The following FANCD2 variants were observed in gnomAD, a reference collection of about 807,000 sequenced individuals.
FANCD2 encodes the protein Fanconi anemia group D2 protein.
Under a neutral mutation model 192.3 loss-of-function variants are expected in FANCD2, and 131 were observed. That is an observed-to-expected ratio of 0.68 (90% CI 0.59 to 0.79). The LOEUF (loss-of-function observed/expected upper bound fraction) is 0.79. FANCD2 is among the 30% of genes least tolerant of loss of function. The pLI, the probability that FANCD2 is intolerant of heterozygous loss-of-function variation, is 0.00. For missense variants in FANCD2, 1,508 were observed against 1,701.6 expected (o/e 0.89, Z 2.00); for synonymous variants, 524 against 612.5 (o/e 0.86, Z 2.13).
intron 17 of FANCD2, among the ~76,000 whole-genome samples, chr3:10,052,090 G>A (rs1353027921): frequency 6.6e-6 from 1 of 152,122 alleles, no homozygotes; most frequent in Non-Finnish European, 1.5e-5. Flanking sequence ...GCCCAGGATT[G>A]TGGTTCAGAG....
chr3:10,067,385 C>T (rs2087750873), intron 26 of FANCD2, 68 bp downstream of exon 26: 3 of 902,672 alleles, frequency 3.3e-6, no homozygotes, highest in Non-Finnish European at 5.5e-6. Context: ...ACTTAGCTTT[C>T]CCTGATACCA....
At chr3:10,033,871 G>C (rs1176769469) in intron 3 of FANCD2, among the ~76,000 whole-genome samples, 1 of 150,936 alleles carries the variant, frequency 6.6e-6, no homozygotes, top group African/African-American at 2.4e-5. Context: ...CTAATTTTTT[G>C]TATTTTTAGT....
intron 26 of FANCD2, among the ~76,000 whole-genome samples, chr3:10,069,675 GC>G (rs1559392148): frequency 6.6e-6 from 1 of 152,090 alleles, no homozygotes; most frequent in African/African-American, 2.4e-5. Context: ...TGTTGGCCGG[GC>G]CGGTCTCCAG....
At position 10,090,201 on chromosome 3, in the gene FANCD2, G is replaced by A. The variant is rs532838222; in HGVS notation, c.3684-91G>A. ...AGTGAAAGGACATTTAGAGAGGTAG[G>A]GAAGGAAGCTACTTTTGGTTCCTGG... On this transcript the variant is annotated intron_variant, in intron 36 of 43. Transcript: ENST00000675286. The A allele has an allele frequency of 9.5e-5, 83 of 873,782 alleles. 1 individual carries two copies. In the South Asian group the frequency reaches 1.1e-3, roughly 12 times the overall value. 54.1% of individuals were successfully genotyped at this position (873,782 alleles called of 1,614,324 possible). A position where few individuals can be genotyped will look rare whatever the true frequency, so the allele number is the denominator to read the frequency against.
At chr3:10,087,102 T>G (rs1575840347) in intron 33 of FANCD2, 32 bp from the exon 34 acceptor site, 3 of 1,612,850 alleles carry the variant, frequency 1.9e-6, no homozygotes, top group African/African-American at 2.7e-5. Context: ...AGGATACTAT[T>G]GCATTTGTTT....
intron 36 of FANCD2, among the ~76,000 whole-genome samples, chr3:10,089,153 C>G (rs945573804): frequency 6.6e-6 from 1 of 151,996 alleles, no homozygotes; most frequent in Non-Finnish European, 1.5e-5. Context: ...GGCGTGGTGG[C>G]ACATGCCTGT....
chr3:10,031,241 C>T (rs181800267), intron 2 of FANCD2, among the ~76,000 whole-genome samples: 98 of 152,206 alleles, frequency 6.4e-4, no homozygotes, highest in Middle Eastern at 3.4e-3. Context: ...CGGTGGCTCA[C>T]GCCTGTAATC....
chr3:10,074,825 C>G (rs1019095056), intron 29 of FANCD2, 152 bp downstream of exon 29: 3 of 665,932 alleles, frequency 4.5e-6, no homozygotes, highest in Non-Finnish European at 7.8e-6. Flanking sequence ...GAATAATCAT[C>G]CTCATACTGG....
rs140988477 is a variant in FANCD2 at position 10,092,051 on chromosome 3, G to T, written c.3778-130G>T. 6.1e-4 allele frequency: 485 copies of T among 792,758 alleles called. 1 individual carries two copies. In the African/African-American group the frequency reaches 7.2e-3, roughly 12 times the overall value. The allele number at this position is 792,758 out of a possible 1,614,324, so 49.1% of individuals were successfully genotyped here. On this transcript the variant is annotated intron_variant, in intron 37 of 43. Transcript: ENST00000675286. ...GAACCATCTTGTGGATGCACTGGTT[G>T]CTACATCTAAGGATAATTGGCTTAA...
chr3:10,060,143 G>C, intron 18 of FANCD2, 151 bp from the exon 19 acceptor site: 2 of 615,826 alleles, frequency 3.2e-6, no homozygotes, highest in Admixed American at 5.0e-5. Flanking sequence ...CTCTAGCCTA[G>C]GCAACAAGAA....
chr3:10,094,105 C>T (rs901231360), intron 39 of FANCD2, among the ~76,000 whole-genome samples, 184 bp from the exon 40 acceptor site: 1 of 152,212 alleles, frequency 6.6e-6, no homozygotes, highest in Admixed American at 6.5e-5. Flanking sequence ...GCTTAGTTAA[C>T]AGGCCTATTT....
chr3:10,054,322 CT>C lies in FANCD2; in HGVS notation c.1656+1828del, dbSNP rs2087309017. On this transcript the variant is annotated intron_variant, in intron 18 of 43. Coordinates refer to ENST00000675286, the MANE Select transcript of FANCD2 (RefSeq NM_001018115.3). ...GGCAGTAATTCATACTGGACTGTGA[CT>C]TTGAACAACCAGCATATATATATAT... 3.5e-5 allele frequency among the ~76,000 whole-genome samples: 5 copies of C among 142,964 alleles called. No homozygotes were observed. In the South Asian group the frequency reaches 1.1e-3, roughly 31 times the overall value. 93.8% of individuals were successfully genotyped at this position (142,964 alleles called of 152,430 possible).
intron 19 of FANCD2, 135 bp downstream of exon 19, chr3:10,060,538 T>C (rs2125027085): frequency 2.8e-6 from 2 of 726,818 alleles, no homozygotes; most frequent in Non-Finnish European, 5.0e-6. Flanking sequence ...TACTTTTCCA[T>C]GTTCCCTTCT....
rs9848896 is a variant in FANCD2, at chr3:10,091,890, C to T, written c.3778-291C>T. 0.24 allele frequency among the ~76,000 whole-genome samples: 36,210 copies of T among 151,962 alleles called. 5,839 individuals carry two copies. The highest frequency in any genetic ancestry group is 0.46 in the African/African-American group (19,109 of 41,386). ...TGGGTGGATCATGAAGTCAGGAGTT[C>T]GAGACTAGCCTGGCCAACATGGTCA... On this transcript the variant is annotated intron_variant, in intron 37 of 43. Transcript: ENST00000675286.
intron 12 of FANCD2, 65 bp downstream of exon 12, chr3:10,043,215 TTAATACTACTAC>T (rs1456358108): frequency 5.8e-5 from 66 of 1,132,072 alleles, no homozygotes; most frequent in Non-Finnish European, 7.9e-5. Flanking sequence ...GAGTTAGAGC[TTAATACTACTAC>T]AAATAATGAT....
chr3:10,084,380 C>G (rs1179123714), intron 32 of FANCD2, among the ~76,000 whole-genome samples: 1 of 151,646 alleles, frequency 6.6e-6, no homozygotes, highest in Non-Finnish European at 1.5e-5. Flanking sequence ...CAACCTCTGA[C>G]TCCCAGGCTA....
At chr3:10,097,703 C>T (rs1402377677) in intron 42 of FANCD2, among the ~76,000 whole-genome samples, 1 of 152,150 alleles carries the variant, frequency 6.6e-6, no homozygotes, top group Admixed American at 6.5e-5. Flanking sequence ...ATACCTCCTT[C>T]TCGGCTGACA....
At chr3:10,033,162 G>A (rs1317739509) in intron 3 of FANCD2, among the ~76,000 whole-genome samples, 190 bp downstream of exon 3, 1 of 152,156 alleles carries the variant, frequency 6.6e-6, no homozygotes, top group Non-Finnish European at 1.5e-5. Context: ...TATCATCCCA[G>A]CACTTTGGGA....
intron 16 of FANCD2, 74 bp from the exon 17 acceptor site, chr3:10,049,300 C>A: frequency 7.1e-7 from 1 of 1,403,040 alleles, no homozygotes; most frequent in Admixed American, 1.7e-5. Flanking sequence ...TTGGAGAGGC[C>A]TTGGGGGTGA....
Sources: gnomAD v4.1 joint callset for allele counts (sites outside exome capture counted in the v4.1 genomes callset) on GRCh38, gnomAD v4.1.1 for gene constraint, MANE v1.5 for transcripts, NCBI Gene and HGNC (gene_info 2026-07-23, HGNC 2026-07-21) for gene names.